Variants in RARB observed in about 807,000 individuals in gnomAD.
RARB encodes retinoic acid receptor beta.
Under a neutral mutation model 51.9 loss-of-function variants are expected in RARB, and 17 were observed. The ratio of observed to expected loss-of-function variants is 0.33; its 90% confidence interval spans 0.22 to 0.49. The LOEUF is 0.49. Ranked by LOEUF, RARB falls within the 20% of genes least tolerant of loss-of-function variation. The probability of loss-of-function intolerance (pLI) is 0.99; values close to 1 mark genes in which losing one functional copy is unlikely to be tolerated. For missense variants in RARB, 369 were observed against 550.8 expected (o/e 0.67, Z 3.30); for synonymous variants, 215 against 195.4 (o/e 1.10, Z -0.84).
chr3:25,289,027 G>C (rs980874206), intron 5 of RARB, among the ~76,000 whole-genome samples: 8 of 152,166 alleles, frequency 5.3e-5, no homozygotes, highest in African/African-American at 1.7e-4. Flanking sequence ...ATACTGTTCC[G>C]CCACTGAGGC....
chr3:25,081,934 G>T (rs932246940), intron 3 of RARB, among the ~76,000 whole-genome samples: 1 of 151,438 alleles, frequency 6.6e-6, no homozygotes, highest in Admixed American at 6.6e-5. Context: ...TGCCCGGCCT[G>T]CTTCATATAT....
chr3:25,283,335 C>T (rs963269942), intron 5 of RARB, among the ~76,000 whole-genome samples: 10 of 152,172 alleles, frequency 6.6e-5, no homozygotes, highest in Admixed American at 3.3e-4. Context: ...AGCAACTCAA[C>T]GTGTGGGCCT....
intron 2 of RARB, among the ~76,000 whole-genome samples, chr3:24,930,763 T>G (rs1466925101): frequency 6.6e-6 from 1 of 151,970 alleles, no homozygotes; most frequent in Non-Finnish European, 1.5e-5. Context: ...AATCCCAGCA[T>G]TTTGGAAGGC....
chr3:25,208,899 C>A (rs770651444), intron 5 of RARB, among the ~76,000 whole-genome samples: 2 of 152,128 alleles, frequency 1.3e-5, no homozygotes, highest in African/African-American at 2.4e-5. Flanking sequence ...AAAGGTCTTT[C>A]CTCTTACGAA....
intron 3 of RARB, among the ~76,000 whole-genome samples, chr3:25,524,292 C>G (rs1434063305): frequency 6.6e-6 from 1 of 152,106 alleles, no homozygotes; most frequent in Admixed American, 6.5e-5. Context: ...ACCACGGCAC[C>G]CAGCATAAAT....
intron 5 of RARB, among the ~76,000 whole-genome samples, chr3:25,261,711 T>G (rs1703001537): frequency 6.6e-6 from 1 of 152,116 alleles, no homozygotes; most frequent in Non-Finnish European, 1.5e-5. Flanking sequence ...GTTCCTCCAT[T>G]CTGTATCTCA....
intron 3 of RARB, among the ~76,000 whole-genome samples, chr3:25,109,021 A>G (rs1044276277): frequency 2.6e-5 from 4 of 152,268 alleles, no homozygotes; most frequent in South Asian, 2.1e-4. Flanking sequence ...CCACACACCA[A>G]TGATAACATC....
chr3:24,982,011 T>G (rs567689488), intron 2 of RARB, among the ~76,000 whole-genome samples: 1 of 152,346 alleles, frequency 6.6e-6, no homozygotes, highest in South Asian at 2.1e-4. Flanking sequence ...CTGGGGAATC[T>G]TGGCTCTGAC....
intron 3 of RARB, among the ~76,000 whole-genome samples, chr3:25,091,413 A>G (rs1240648929): frequency 1.3e-5 from 2 of 152,174 alleles, no homozygotes; most frequent in East Asian, 3.9e-4. Context: ...GCAAACAGGA[A>G]AAGTGCAGAG....
chr3:25,305,623 T>C (rs146645682), intron 5 of RARB, among the ~76,000 whole-genome samples: 142 of 152,264 alleles, frequency 9.3e-4, no homozygotes, highest in Middle Eastern at 3.4e-3. Flanking sequence ...CCCACAGATA[T>C]CAGGCAGGCC....
At chr3:25,046,667 C>A (rs1029835127) in intron 2 of RARB, among the ~76,000 whole-genome samples, 6 of 152,010 alleles carry the variant, frequency 3.9e-5, no homozygotes, top group African/African-American at 9.7e-5. Context: ...GTTGGTCAGG[C>A]TGGTTTCAAA....
intron 2 of RARB, among the ~76,000 whole-genome samples, chr3:24,870,127 T>G (rs1702920852): frequency 6.6e-6 from 1 of 152,108 alleles, no homozygotes; most frequent in South Asian, 2.1e-4. Flanking sequence ...TTACTTGTGT[T>G]GCAAATATCT....
chr3:25,051,519 T>C (rs1182183963), intron 2 of RARB, among the ~76,000 whole-genome samples: 1 of 152,042 alleles, frequency 6.6e-6, no homozygotes, highest in African/African-American at 2.4e-5. Flanking sequence ...TCAAGCGGTA[T>C]ATCTTTGAAT....
At chr3:25,131,094 C>T (rs1173354078) in intron 3 of RARB, among the ~76,000 whole-genome samples, 1 of 151,508 alleles carries the variant, frequency 6.6e-6, no homozygotes, top group Non-Finnish European at 1.5e-5. Flanking sequence ...GTGGAATCAA[C>T]CTCTTTGTCT....
chr3:25,500,036 G>A (rs1261610550), intron 2 of RARB, among the ~76,000 whole-genome samples: 3 of 152,194 alleles, frequency 2.0e-5, no homozygotes, highest in Non-Finnish European at 2.9e-5. Context: ...ATGACACTTC[G>A]ATGGGCTTGT....
intron 2 of RARB, among the ~76,000 whole-genome samples, chr3:25,497,448 C>T (rs1697100003): frequency 1.3e-5 from 2 of 152,216 alleles, no homozygotes; most frequent in South Asian, 4.1e-4. Context: ...AATACCACCT[C>T]TTCTTTCGCC....
intron 5 of RARB, among the ~76,000 whole-genome samples, chr3:25,212,469 T>C (rs1282868430): frequency 6.6e-6 from 1 of 152,052 alleles, no homozygotes; most frequent in Non-Finnish European, 1.5e-5. Flanking sequence ...AATACAAAAA[T>C]TAGCCAAGCA....
intron 2 of RARB, among the ~76,000 whole-genome samples, chr3:25,052,166 A>T (rs1026557860): frequency 9.9e-5 from 15 of 152,200 alleles, no homozygotes; most frequent in African/African-American, 3.6e-4. Context: ...AGGAGGTGGT[A>T]TGTAACTTAC....
At chr3:25,181,294 G>T (rs542877538) in intron 5 of RARB, among the ~76,000 whole-genome samples, 1 of 152,088 alleles carries the variant, frequency 6.6e-6, no homozygotes, top group Non-Finnish European at 1.5e-5. Context: ...ACTGTGCATC[G>T]TAAGTACTCT....
Sources: gnomAD v4.1 joint callset for allele counts (sites outside exome capture counted in the v4.1 genomes callset) on GRCh38, gnomAD v4.1.1 for gene constraint, MANE v1.5 for transcripts, NCBI Gene and HGNC (gene_info 2026-07-23, HGNC 2026-07-21) for gene names.